UBE3D: variants seen among roughly 807,000 people sequenced by gnomAD.
UBE3D encodes the protein E3 ubiquitin-protein ligase E3D.
A neutral mutation model predicts 49.6 loss-of-function variants in UBE3D; 48 were observed. That is an observed-to-expected ratio of 0.97 (90% CI 0.77 to 1.23). The LOEUF (loss-of-function observed/expected upper bound fraction) is 1.23. Among genes scored for constraint, UBE3D ranks in the 50% most tolerant of loss-of-function variants. The pLI, the probability that UBE3D is intolerant of heterozygous loss-of-function variation, is 0.00. For missense variants in UBE3D, 452 were observed against 468.4 expected (o/e 0.96, Z 0.32); for synonymous variants, 189 against 174.2 (o/e 1.08, Z -0.67).
chr6:82,915,469 G>A (rs1292069552), intron 9 of UBE3D, among the ~76,000 whole-genome samples: 2 of 152,066 alleles, frequency 1.3e-5, no homozygotes, highest in Non-Finnish European at 2.9e-5. Flanking sequence ...TACCATACTG[G>A]GAAATGACCA....
chr6:82,999,509 C>A (rs983649057), intron 8 of UBE3D, among the ~76,000 whole-genome samples: 1 of 152,156 alleles, frequency 6.6e-6, no homozygotes, highest in African/African-American at 2.4e-5. Context: ...CTTAGCCTCC[C>A]AAGTAGCTGG....
At chr6:82,930,262 G>A (rs544544528) in intron 9 of UBE3D, among the ~76,000 whole-genome samples, 6 of 152,200 alleles carry the variant, frequency 3.9e-5, no homozygotes, top group Admixed American at 3.9e-4. Flanking sequence ...GCTGAACTGT[G>A]AGTCCACTAA....
At chr6:83,041,969 G>A (rs1227419107) in intron 4 of UBE3D, among the ~76,000 whole-genome samples, 3 of 151,940 alleles carry the variant, frequency 2.0e-5, no homozygotes, top group East Asian at 1.9e-4. Flanking sequence ...GAGTGCAGTG[G>A]TGCAATCTTG....
intron 8 of UBE3D, among the ~76,000 whole-genome samples, chr6:82,981,413 G>A (rs1778113381): frequency 6.6e-6 from 1 of 152,024 alleles, no homozygotes; most frequent in Admixed American, 6.6e-5. Context: ...AGTCACAGGT[G>A]TTAAAAATGT....
At chr6:83,060,729 C>T (rs976050131) in intron 1 of UBE3D, among the ~76,000 whole-genome samples, 1 of 152,102 alleles carries the variant, frequency 6.6e-6, no homozygotes, top group African/African-American at 2.4e-5. Flanking sequence ...GTTGCTGGAA[C>T]ATGAAGAAAT....
chr6:82,954,040 C>A (rs1245289676), intron 9 of UBE3D, among the ~76,000 whole-genome samples: 1 of 152,128 alleles, frequency 6.6e-6, no homozygotes, highest in African/African-American at 2.4e-5. Flanking sequence ...AGCCAGTGTG[C>A]CTGGAGCAGA....
intron 1 of UBE3D, among the ~76,000 whole-genome samples, chr6:83,064,637 T>C (rs922465222): frequency 6.6e-5 from 10 of 152,162 alleles, no homozygotes; most frequent in African/African-American, 1.9e-4. Flanking sequence ...GGGTTTGGGT[T>C]CCTAATTACT....
intron 9 of UBE3D, among the ~76,000 whole-genome samples, chr6:82,955,661 G>A (rs760599015): frequency 7.9e-5 from 12 of 152,160 alleles, no homozygotes; most frequent in Non-Finnish European, 1.5e-4. Flanking sequence ...ACAAACTACT[G>A]CAAAATAAGG....
intron 8 of UBE3D, among the ~76,000 whole-genome samples, chr6:82,986,198 C>T (rs929847660): frequency 1.3e-5 from 2 of 151,620 alleles, no homozygotes; most frequent in South Asian, 4.1e-4. Flanking sequence ...TAATGGCGGG[C>T]GTGGTGGCTC....
intron 5 of UBE3D, chr6:83,037,436 T>C (rs1361291862): frequency 6.6e-6 from 1 of 152,194 alleles, no homozygotes; most frequent in Admixed American, 6.5e-5. Context: ...TTCACCTTAT[T>C]TAACCAGAAG....
chr6:82,938,643 G>A (rs1393053687), intron 9 of UBE3D: 2 of 152,168 alleles, frequency 1.3e-5, no homozygotes, highest in Non-Finnish European at 2.9e-5. Flanking sequence ...GTGACTAGAT[G>A]TTGTTATAAT....
intron 8 of UBE3D, among the ~76,000 whole-genome samples, chr6:82,975,476 T>C (rs1051970210): frequency 1.3e-5 from 2 of 152,194 alleles, no homozygotes; most frequent in African/African-American, 4.8e-5. Flanking sequence ...CAGTGTAGGC[T>C]ATGAGTATAA....
At chr6:83,005,310 TTAAAAAAAAAAACAGA>T (rs1303620505) in intron 8 of UBE3D, among the ~76,000 whole-genome samples, 1 of 150,426 alleles carries the variant, frequency 6.6e-6, no homozygotes, top group African/African-American at 2.5e-5. Flanking sequence ...ACGGCTATTA[TTAAAAAAAAAAACAGA>T]ATAACAAGCG....
At chr6:83,047,463 CGTACCT>C (rs1291916250) in intron 3 of UBE3D, among the ~76,000 whole-genome samples, 1 of 152,206 alleles carries the variant, frequency 6.6e-6, no homozygotes, top group Non-Finnish European at 1.5e-5. Flanking sequence ...GGGCAGCTCC[CGTACCT>C]CCCTGATGTG....
In UBE3D at chr6:82,964,048, C is replaced by A. The variant is rs76615136; in HGVS notation, c.1011-6598G>T. ...AAGTACTGAGAGAGGAAAAGCTTTC[C>A]TAGGAGACCAGAACTGTCAGCCAGA... On this transcript the variant is annotated intron_variant, in intron 8 of 9. Transcript: ENST00000369747. Among the ~76,000 whole-genome samples the A allele has an allele frequency of 3.4e-3, 525 of 152,202 alleles. 17 individuals are homozygous for A. In the South Asian group the frequency reaches 0.065, roughly 19 times the overall value.
intron 8 of UBE3D, among the ~76,000 whole-genome samples, chr6:83,013,334 C>T (rs1456626673): frequency 6.6e-6 from 1 of 152,166 alleles, no homozygotes; most frequent in Non-Finnish European, 1.5e-5. Context: ...GGCCTTACTC[C>T]AAAATCCTGA....
chr6:83,000,216 C>A (rs1388195409), intron 8 of UBE3D, among the ~76,000 whole-genome samples: 2 of 152,158 alleles, frequency 1.3e-5, no homozygotes, highest in African/African-American at 4.8e-5. Flanking sequence ...TTTACAAATC[C>A]AGCCCCAACC....
chr6:82,894,566 A>T (rs949275168), intron 9 of UBE3D, among the ~76,000 whole-genome samples: 3 of 152,086 alleles, frequency 2.0e-5, no homozygotes, highest in Admixed American at 6.6e-5. Context: ...TAAAACCTGC[A>T]TTTCTGTAGA....
chr6:82,997,965 G>C (rs1267000962), intron 8 of UBE3D, among the ~76,000 whole-genome samples: 1 of 34,632 alleles, frequency 2.9e-5, no homozygotes, highest in Non-Finnish European at 6.4e-5. Context: ...AGGAATGATT[G>C]ATTTTTTTTT....
Sources: gnomAD v4.1 joint callset for allele counts (sites outside exome capture counted in the v4.1 genomes callset) on GRCh38, gnomAD v4.1.1 for gene constraint, MANE v1.5 for transcripts, NCBI Gene and HGNC (gene_info 2026-07-23, HGNC 2026-07-21) for gene names.